Variants in CEP55 observed in about 807,000 individuals in gnomAD.
CEP55 encodes centrosomal protein of 55 kDa.
In CEP55, 57 loss-of-function variants were observed where a neutral mutation model predicts 63.2. The observed-to-expected ratio is 0.90, with a 90% CI of 0.73 to 1.13. CEP55 has a LOEUF of 1.13. Ranked by LOEUF, CEP55 falls within the 50% of genes most tolerant of loss-of-function variation. CEP55 has a pLI of 0.00. For synonymous variants in CEP55, 178 were observed against 191.6 expected (o/e 0.93, Z 0.59); for missense variants, 456 against 518.9 (o/e 0.88, Z 1.18).
chr10:93,498,360 A>T (rs2057596641), intron 1 of CEP55, among the ~76,000 whole-genome samples: 1 of 152,092 alleles, frequency 6.6e-6, no homozygotes, highest in South Asian at 2.1e-4. Flanking sequence ...TTTGTGTCTC[A>T]ATGACTTGGT....
At chr10:93,519,010 T>TAGAACAGGCA (rs2057830985) in intron 7 of CEP55, 62 bp downstream of exon 7, 1 of 1,231,042 alleles carries the variant, frequency 8.1e-7, no homozygotes, top group Admixed American at 1.7e-5. Flanking sequence ...TTTTTCCTCA[T>TAGAACAGGCA]GTTTATGCTG....
intron 4 of CEP55, among the ~76,000 whole-genome samples, chr10:93,512,400 G>A (rs1198104663): frequency 6.6e-6 from 1 of 151,098 alleles, no homozygotes; most frequent in African/African-American, 2.4e-5. Flanking sequence ...TGTAATCCCA[G>A]CTACTCGGGA....
Position 93,527,450 on chromosome 10 carries a change from G to T in CEP55, c.1192-500G>T, listed in dbSNP as rs181029180. Among the ~76,000 whole-genome samples the T allele has an allele frequency of 3.3e-5, 5 of 152,274 alleles. 1 individual carries two copies. Among genetic ancestry groups the T allele is most frequent in the African/African-American group, 1.2e-4 (5 of 41,538 alleles). ...TATCTGGGTAATTTGGATAATTACA[G>T]TAGTTATCTGGATAAATTCACAACT... On this transcript the variant is annotated intron_variant, in intron 8 of 8. Transcript: ENST00000371485.
At chr10:93,520,252 C>A (rs1173777032) in intron 8 of CEP55, 2 of 165,246 alleles carry the variant, frequency 1.2e-5, no homozygotes, top group Non-Finnish European at 2.6e-5. Flanking sequence ...ATGGTGAAAC[C>A]CTGTCTCTAC....
rs769487614 is a variant in CEP55, at chr10:93,515,399, A to G, written c.529-6A>G. On this transcript the variant is annotated splice_region_variant and splice_polypyrimidine_tract_variant and intron_variant, in intron 4 of 8. Coordinates refer to ENST00000371485, the MANE Select transcript of CEP55 (RefSeq NM_018131.5). ...ACTGTTGATTTTCTTTCATCTTCCCATTAAGGCTCTGGAGAAAAATCAGCA... is the reference window on the plus strand; with the variant it reads ...ACTGTTGATTTTCTTTCATCTTCCCGTTAAGGCTCTGGAGAAAAATCAGCA... 6.3e-7 allele frequency: 1 copy of G among 1,583,250 alleles called. No individual in the cohort carries two copies. The highest frequency in any genetic ancestry group is 8.6e-7 in the Non-Finnish European group (1 of 1,157,814).
Position 93,517,079 on chromosome 10 carries a change from A to G in CEP55, c.824A>G (p.Glu275Gly). The G allele has an allele frequency of 6.2e-7, 1 of 1,614,144 alleles. No homozygotes were observed. The highest frequency in any genetic ancestry group is 1.1e-5 in the South Asian group (1 of 91,080). The change falls in exon 6 of 9, where the codon GAA becomes GGA. Residue 275 changes from glutamate (E) to glycine (G), a missense_variant. By Grantham distance (98) the Glu-to-Gly change is moderately conservative. Transcript: ENST00000371485. Reference protein sequence around the residue: ...FRRKYEETQKEVHNLNQLLYS... With the variant: ...FRRKYEETQKGVHNLNQLLYS... ...AGAAAATATGAAGAAACCCAAAAAG[A>G]AGTTCACAATTTAAATCAGCTGTTG...
chr10:93,526,144 A>C (rs2134504645), intron 8 of CEP55, among the ~76,000 whole-genome samples: 1 of 152,346 alleles, frequency 6.6e-6, no homozygotes, highest in African/African-American at 2.4e-5. Context: ...ATCAGAGTGA[A>C]CAGGCATCCT....
At chr10:93,527,159 T>A (rs2057932263) in intron 8 of CEP55, among the ~76,000 whole-genome samples, 1 of 152,186 alleles carries the variant, frequency 6.6e-6, no homozygotes, top group Admixed American at 6.5e-5. Flanking sequence ...TGTAAAATAC[T>A]CATTTTTAAC....
rs368583889 is a variant in CEP55 at position 93,515,448 on chromosome 10, G to A, written c.572G>A (p.Arg191Gln). 207 of 1,613,112 alleles carry A rather than the reference G, an allele frequency of 1.3e-4. No homozygotes were observed. Among genetic ancestry groups the A allele is most frequent in the Non-Finnish European group, 1.6e-4 (194 of 1,179,348 alleles). ...NQQWLVYDQQ[R>Q]EVYVKGLLAK... The stretch of plus-strand genomic sequence containing the variant: ...CAGTGGCTCGTGTATGATCAGCAGC[G>A]GGAAGTCTATGTAAAAGGACTTTTA... The change falls in exon 5 of 9, where the codon CGG becomes CAG. Residue 191 changes from arginine to glutamine, a missense_variant. Transcript: ENST00000371485.
At chr10:93,527,340 A>G (rs926301540) in intron 8 of CEP55, among the ~76,000 whole-genome samples, 2 of 152,190 alleles carry the variant, frequency 1.3e-5, no homozygotes, top group African/African-American at 4.8e-5. Flanking sequence ...AAAACTAGCA[A>G]ATTTAATCAG....
intron 2 of CEP55, 146 bp from the exon 3 acceptor site, chr10:93,502,965 CTT>C (rs1372097383): frequency 1.4e-6 from 1 of 692,516 alleles, no homozygotes; most frequent in African/African-American, 1.8e-5. Context: ...GAACATAAAA[CTT>C]TGGCTTCCTA....
chr10:93,524,321 A>C (rs1235820604), intron 8 of CEP55, among the ~76,000 whole-genome samples: 7 of 152,226 alleles, frequency 4.6e-5, no homozygotes, highest in Non-Finnish European at 1.0e-4. Context: ...CTCTACGCAA[A>C]TAAACTAGAA....
chr10:93,519,937 C>T, intron 8 of CEP55, 130 bp downstream of exon 8: 2 of 997,214 alleles, frequency 2.0e-6, no homozygotes, highest in Non-Finnish European at 3.1e-6. Context: ...AGAGCCTCTG[C>T]CTCATTTGAA....
chr10:93,505,176 T>G (rs12766635), intron 3 of CEP55, among the ~76,000 whole-genome samples: 79,762 of 151,882 alleles, frequency 0.53, 23,072 homozygotes, highest in Non-Finnish European at 0.65. Context: ...ATTGATTTCT[T>G]TATTAACTAG....
At chr10:93,497,343 G>GCAA (rs2057581900) in intron 1 of CEP55, among the ~76,000 whole-genome samples, 1 of 152,112 alleles carries the variant, frequency 6.6e-6, no homozygotes, top group Non-Finnish European at 1.5e-5. Context: ...TTGGCTCACT[G>GCAA]CAACCTCTGC....
intron 8 of CEP55, among the ~76,000 whole-genome samples, chr10:93,522,719 T>C (rs2057877232): frequency 6.6e-6 from 1 of 152,184 alleles, no homozygotes; most frequent in Admixed American, 6.5e-5. Flanking sequence ...GGGAAGCCCA[T>C]CAGACTAACA....
At chr10:93,522,542 G>A (rs1379315962) in intron 8 of CEP55, among the ~76,000 whole-genome samples, 3 of 152,166 alleles carry the variant, frequency 2.0e-5, no homozygotes, top group Non-Finnish European at 4.4e-5. Flanking sequence ...AACTTCCCCA[G>A]TCTAGCAAGG....
chr10:93,526,738 G>A lies in CEP55; in HGVS notation c.1192-1212G>A, dbSNP rs540761764. 2.0e-5 allele frequency among the ~76,000 whole-genome samples: 3 copies of A among 152,122 alleles called. No individual in the cohort carries two copies. The South Asian group carries it at 6.2e-4, about 32-fold the overall frequency. On this transcript the variant is annotated intron_variant, in intron 8 of 8. Coordinates refer to ENST00000371485, the MANE Select transcript of CEP55 (RefSeq NM_018131.5). ...AGAAAATGTGGCACATATACACCAT[G>A]GAATACTATGCAGCCATAAAAATGA...
chr10:93,506,414 T>A (rs1180979701), intron 3 of CEP55, among the ~76,000 whole-genome samples: 2 of 152,216 alleles, frequency 1.3e-5, no homozygotes, highest in Non-Finnish European at 2.9e-5. Flanking sequence ...CTGGCAATCC[T>A]GGGGTCTAGA....
Sources: allele counts gnomAD v4.1 joint callset (sites outside exome capture counted in the v4.1 genomes callset), GRCh38; gene constraint gnomAD v4.1.1; transcripts MANE v1.5; gene names NCBI Gene and HGNC (gene_info 2026-07-23, HGNC 2026-07-21).